DZIP3: variants seen among roughly 807,000 people sequenced by gnomAD.
DZIP3 encodes the protein DAZ interacting zinc finger protein 3.
In DZIP3, 118 loss-of-function variants were observed where a neutral mutation model predicts 162.0. That is an observed-to-expected ratio of 0.73 (90% CI 0.63 to 0.85). The LOEUF is 0.85. Among genes scored for constraint, DZIP3 ranks in the 40% least tolerant of loss-of-function variants. DZIP3 has a pLI of 0.00. For synonymous variants in DZIP3, 438 were observed against 458.6 expected, an observed-to-expected ratio of 0.96 and a Z score of 0.57; for missense variants, 1,331 against 1,407.0, an observed-to-expected ratio of 0.95 and a Z score of 0.86.
At chr3:108,609,005 G>A (rs918932182) in intron 3 of DZIP3, among the ~76,000 whole-genome samples, 10 of 152,106 alleles carry the variant, frequency 6.6e-5, no homozygotes, top group Admixed American at 5.2e-4. Context: ...TTCACGTGGC[G>A]GCAGGAGAGA....
Position 108,657,481 on chromosome 3 carries a change from T to C in DZIP3, c.2199+3171T>C, listed in dbSNP as rs566031820. ...ACCAGGCCTGCCCTAAAAGAGCTCC[T>C]GAAGGAAGCACTAAACATGGAAAGG... On this transcript the variant is annotated intron_variant, in intron 19 of 32. Coordinates refer to ENST00000361582, the MANE Select transcript of DZIP3 (RefSeq NM_014648.4). Among the ~76,000 whole-genome samples the C allele has an allele frequency of 1.2e-3, 176 of 152,228 alleles. 1 individual carries two copies. Among genetic ancestry groups the C allele is most frequent in the African/African-American group, 4.0e-3 (165 of 41,522 alleles).
chr3:108,629,612 C>A (rs1941736156), intron 8 of DZIP3, among the ~76,000 whole-genome samples: 1 of 151,882 alleles, frequency 6.6e-6, no homozygotes, highest in Non-Finnish European at 1.5e-5. Context: ...TTATTTATAT[C>A]TGTCCAGACA....
At chr3:108,654,336 G>A (rs1216450874) in intron 19 of DZIP3, 26 bp downstream of exon 19, 27 of 1,611,636 alleles carry the variant, frequency 1.7e-5, no homozygotes, top group Non-Finnish European at 2.3e-5. Flanking sequence ...GAGGGTGCCT[G>A]CCTTCTCTTA....
At chr3:108,692,907 G>C (rs367899544) in intron 32 of DZIP3, among the ~76,000 whole-genome samples, 3 of 148,608 alleles carry the variant, frequency 2.0e-5, no homozygotes, top group South Asian at 4.2e-4. Flanking sequence ...TATATAAAAA[G>C]TTTTAATAAA....
chr3:108,659,781 T>G (rs969069014), intron 19 of DZIP3, among the ~76,000 whole-genome samples: 1 of 152,198 alleles, frequency 6.6e-6, no homozygotes, highest in Non-Finnish European at 1.5e-5. Context: ...ATAAGCAACT[T>G]CAGCAAAGTC....
intron 21 of DZIP3, among the ~76,000 whole-genome samples, chr3:108,666,462 C>T (rs1002417900): frequency 1.6e-4 from 25 of 151,904 alleles, no homozygotes; most frequent in African/African-American, 5.6e-4. Context: ...CTTCAAACTC[C>T]ACTCTCAATT....
chr3:108,663,545 A>G (rs935804934), intron 21 of DZIP3, among the ~76,000 whole-genome samples: 8 of 149,282 alleles, frequency 5.4e-5, no homozygotes, highest in African/African-American at 2.0e-4. Flanking sequence ...AACAAGAGCA[A>G]AAGTCTGTCT....
intron 21 of DZIP3, 142 bp from the exon 22 acceptor site, chr3:108,669,539 A>G: frequency 1.6e-6 from 1 of 619,072 alleles, no homozygotes; most frequent in Non-Finnish European, 2.8e-6. Flanking sequence ...CAGGTATAGG[A>G]GTTCAGTTGT....
rs1320245372 is a variant in DZIP3 at position 108,688,646 on chromosome 3, A to G, written c.3324A>G (p.Pro1108=). The G allele has an allele frequency of 3.1e-6, 5 of 1,614,156 alleles. No individual in the cohort carries two copies. Among genetic ancestry groups the G allele is most frequent in the East Asian group, 2.2e-5 (1 of 44,874 alleles). The change falls in exon 30 of 33, where the codon CCA becomes CCG. Residue 1108 remains proline (P), a synonymous_variant. Coordinates refer to ENST00000361582, the MANE Select transcript of DZIP3 (RefSeq NM_014648.4). The part of the protein sequence containing the change: ...NVNCVSPSHS[P]SQPDAAQPPK... ...ATTGTGTTTCACCTAGTCATTCTCC[A>G]TCACAGCCTGATGCTGCCCAGCCCC...
rs79179692 is a variant in DZIP3, at chr3:108,648,520, C to T, written c.1963-398C>T. On this transcript the variant is annotated intron_variant, in intron 16 of 32. Coordinates refer to ENST00000361582, the MANE Select transcript of DZIP3 (RefSeq NM_014648.4). ...TGAAATTCGTCCAGAATGGAATCTCCGTATTTCTTTACAAATAAGTGGTAA... is the reference window on the plus strand; with the variant it reads ...TGAAATTCGTCCAGAATGGAATCTCTGTATTTCTTTACAAATAAGTGGTAA... 519 of 162,502 alleles carry T rather than the reference C, an allele frequency of 3.2e-3. 10 individuals are homozygous for T. The highest frequency in any genetic ancestry group is 0.017 in the Admixed American group (267 of 16,078). 10.1% of individuals were successfully genotyped at this position (162,502 alleles called of 1,614,324 possible).
chr3:108,625,365 T>C (rs1941545541), intron 6 of DZIP3, among the ~76,000 whole-genome samples: 1 of 152,334 alleles, frequency 6.6e-6, no homozygotes, highest in Admixed American at 6.5e-5. Context: ...GATAAAGAAT[T>C]GTGCTCTAAC....
intron 18 of DZIP3, 123 bp downstream of exon 18, chr3:108,651,285 T>TGTCTTAATA (rs1009549882): frequency 3.5e-6 from 1 of 284,224 alleles, no homozygotes; most frequent in African/African-American, 2.3e-5. Context: ...GATAGTTCCT[T>TGTCTTAATA]GTCTTAATAA....
chr3:108,601,173 A>G (rs543925804), intron 1 of DZIP3, among the ~76,000 whole-genome samples: 18 of 152,090 alleles, frequency 1.2e-4, no homozygotes, highest in Non-Finnish European at 2.4e-4. Flanking sequence ...ATGTTTCTCA[A>G]TGGAGAGTAA....
intron 12 of DZIP3, among the ~76,000 whole-genome samples, chr3:108,641,288 T>G (rs189782951): frequency 6.6e-6 from 1 of 152,192 alleles, no homozygotes; most frequent in African/African-American, 2.4e-5. Flanking sequence ...TAAGTGTAGT[T>G]TAATTTTTTC....
At chr3:108,648,189 G>A (rs1942713175) in intron 16 of DZIP3, 77 bp downstream of exon 16, 2 of 1,340,276 alleles carry the variant, frequency 1.5e-6, no homozygotes, top group African/African-American at 1.5e-5. Flanking sequence ...TGTACTTAAA[G>A]CATCCCAGAT....
At chr3:108,669,842 C>G in intron 22 of DZIP3, 93 bp downstream of exon 22, 1 of 1,029,826 alleles carries the variant, frequency 9.7e-7, no homozygotes, top group Non-Finnish European at 1.5e-6. Context: ...ATTTATCATT[C>G]AAACCGGGGT....
intron 5 of DZIP3, among the ~76,000 whole-genome samples, chr3:108,622,370 C>T (rs558176581): frequency 1.3e-5 from 2 of 152,174 alleles, no homozygotes; most frequent in Admixed American, 6.5e-5. Flanking sequence ...TTCTGAATTC[C>T]TTCTCTGTGT....
chr3:108,647,948 G>A lies in DZIP3; in HGVS notation c.1798G>A (p.Glu600Lys). The A allele has an allele frequency of 1.3e-6, 2 of 1,539,772 alleles. No individual in the cohort carries two copies. Among genetic ancestry groups the A allele is most frequent in the African/African-American group, 2.8e-5 (2 of 70,912 alleles). Residue 600 changes from glutamate to lysine, a missense_variant, in exon 16 of 33, where the codon GAA (glutamate) becomes AAA (lysine). Around this residue, in one of 2 missense-constraint regions of DZIP3, gnomAD observed 1,278 missense variants for 1,317.1 expected, o/e 0.97. Coordinates refer to ENST00000361582, the MANE Select transcript of DZIP3 (RefSeq NM_014648.4). ...LQSITGSQRI[E>K]IEELQNEEEE... ...ATTTTGTCTTTTATGTTTAGGTATT[G>A]AAATAGAAGAGTTACAGAATGAGGA...
At chr3:108,606,494 T>G (rs938315934) in intron 2 of DZIP3, among the ~76,000 whole-genome samples, 2 of 152,178 alleles carry the variant, frequency 1.3e-5, no homozygotes, top group Admixed American at 6.5e-5. Context: ...AATTATATCT[T>G]TAGGCAAATT....
Sources: gnomAD v4.1 joint callset for allele counts (sites outside exome capture counted in the v4.1 genomes callset) on GRCh38, gnomAD v4.1.1 for gene constraint, gnomAD v4.1.1 regional missense constraint, MANE v1.5 for transcripts, NCBI Gene and HGNC (gene_info 2026-07-23, HGNC 2026-07-21) for gene names.